MPPED1: variants seen among roughly 807,000 people sequenced by gnomAD.
The protein encoded by MPPED1 is metallophosphoesterase domain containing 1, also known as metallophosphoesterase domain-containing protein 1.
A neutral mutation model predicts 36.2 loss-of-function variants in MPPED1; 16 were observed. The ratio of observed to expected loss-of-function variants is 0.44; its 90% CI spans 0.30 to 0.67. The LOEUF (loss-of-function observed/expected upper bound fraction) is 0.67, where lower values mean the gene tolerates loss of function less well. Ranked by LOEUF, MPPED1 falls within the 30% of genes least tolerant of loss-of-function variation. The pLI is 0.10. For missense variants in MPPED1, 307 were observed against 453.4 expected, an observed-to-expected ratio of 0.68 and a Z score of 2.93; for synonymous variants, 199 against 191.3, an observed-to-expected ratio of 1.04 and a Z score of -0.33.
chr22:43,453,593 T>G (rs9680860), intron 3 of MPPED1, among the ~76,000 whole-genome samples: 10,007 of 152,202 alleles, frequency 0.066, 1,127 homozygotes, highest in African/African-American at 0.23. Flanking sequence ...TACTCTTCTT[T>G]CATCCCGAAA....
intron 4 of MPPED1, among the ~76,000 whole-genome samples, chr22:43,491,995 A>G (rs934020491): frequency 4.7e-5 from 6 of 128,688 alleles, no homozygotes; most frequent in Non-Finnish European, 8.3e-5. Context: ...CTGGTGATGG[A>G]GGTGGTGGTG....
chr22:43,455,355 C>A (rs1269588896), intron 3 of MPPED1, among the ~76,000 whole-genome samples: 1 of 152,110 alleles, frequency 6.6e-6, no homozygotes, highest in East Asian at 1.9e-4. Flanking sequence ...GGTGATCCAT[C>A]CATCTCGGCC....
intron 1 of MPPED1, among the ~76,000 whole-genome samples, chr22:43,415,811 G>T (rs1267504232): frequency 6.6e-6 from 1 of 152,186 alleles, no homozygotes; most frequent in Non-Finnish European, 1.5e-5. Context: ...AATGTGACTT[G>T]TCTGTTGCCC....
rs182175866 is a variant in MPPED1, at chr22:43,462,825, T to C, written c.407-11911T>C. On this transcript the variant is annotated intron_variant, in intron 3 of 6. Transcript: ENST00000443721. ...CCATCTTCAGATGGCCATCATCTCC[T>C]TTCACCTTTCTTCTGTCTTGTAACC... Among the ~76,000 whole-genome samples, 44 of 152,282 alleles carry C rather than the reference T, an allele frequency of 2.9e-4. No individual in the cohort carries two copies. The South Asian group carries it at 8.1e-3, about 28-fold the overall frequency.
intron 4 of MPPED1, among the ~76,000 whole-genome samples, chr22:43,491,650 TGG>T (rs1932094399): frequency 6.9e-6 from 1 of 145,434 alleles, no homozygotes; most frequent in Non-Finnish European, 1.5e-5. Flanking sequence ...GTGGTGGTTA[TGG>T]AGGTGGTGGT....
chr22:43,491,993 G>A (rs1834543530), intron 4 of MPPED1, among the ~76,000 whole-genome samples: 1 of 151,506 alleles, frequency 6.6e-6, no homozygotes, highest in Admixed American at 6.6e-5. Flanking sequence ...TGCTGGTGAT[G>A]GAGGTGGTGG....
intron 4 of MPPED1, among the ~76,000 whole-genome samples, chr22:43,481,498 T>G (rs1931748212): frequency 6.6e-6 from 1 of 152,108 alleles, no homozygotes; most frequent in African/African-American, 2.4e-5. Context: ...CAGTACAGAG[T>G]CTGGTTCCTC....
rs1263255803 is a variant in MPPED1, at chr22:43,463,811, C to CTTTCTTTCTTTTT, written c.407-10914_407-10913insTTTTTCTTTCTTT. 8.3e-5 allele frequency among the ~76,000 whole-genome samples: 2 copies of CTTTCTTTCTTTTT among 24,210 alleles called. 1 individual carries two copies. The highest frequency in any genetic ancestry group is 1.8e-3 in the East Asian group (2 of 1,140). The allele number at this position is 24,210 out of a possible 152,430, so 15.9% of individuals were successfully genotyped here. A position where few individuals can be genotyped will look rare whatever the true frequency, so the allele number is the denominator to read the frequency against. ...TGGTTGATTTTTCATTTTTTCTTTTCTTTCTTTCTTTCTTTCTTTCTTTCT... is the reference window on the plus strand; with the variant it reads ...TGGTTGATTTTTCATTTTTTCTTTTCTTTCTTTCTTTTTTTTCTTTCTTTCTTTCTTTCTTTCT... On this transcript the variant is annotated intron_variant, in intron 3 of 6. Coordinates refer to ENST00000443721, the MANE Select transcript of MPPED1 (RefSeq NM_001044370.2).
In MPPED1 at chr22:43,502,539, G is replaced by A; in HGVS notation, c.749-105G>A. 1 of 850,252 alleles carries A rather than the reference G, an allele frequency of 1.2e-6. No individual in the cohort carries two copies. Among genetic ancestry groups the A allele is most frequent in the Non-Finnish European group, 1.9e-6 (1 of 520,690 alleles). The allele number at this position is 850,252 out of a possible 1,614,324, so 52.7% of individuals were successfully genotyped here. ...GAGAGTGGTGCAAAGCCGGAGTCCG[G>A]AAGCCCCATGCCTTCTCCAGGCTGC... On this transcript the variant is annotated intron_variant, in intron 5 of 6. Transcript: ENST00000443721. This position sits in a 1 kb window ranked among gnomAD's most constrained non-coding sequence, Gnocchi z 5.5.
At chr22:43,450,258 G>A (rs530726341) in intron 3 of MPPED1, among the ~76,000 whole-genome samples, 1 of 152,360 alleles carries the variant, frequency 6.6e-6, no homozygotes, top group South Asian at 2.1e-4. Flanking sequence ...AGGGGCCAGG[G>A]GAAAGGAATG....
intron 3 of MPPED1, among the ~76,000 whole-genome samples, chr22:43,444,145 T>A (rs923811781): frequency 4.6e-5 from 7 of 152,126 alleles, no homozygotes; most frequent in African/African-American, 1.7e-4. Context: ...AATTCTAAGT[T>A]GTAGTCAAGT....
chr22:43,445,400 T>G (rs1245012299), intron 3 of MPPED1, among the ~76,000 whole-genome samples: 3 of 152,110 alleles, frequency 2.0e-5, no homozygotes, highest in African/African-American at 7.2e-5. Flanking sequence ...CTTTTTTGAT[T>G]TGTTTAGTAG....
intron 3 of MPPED1, among the ~76,000 whole-genome samples, chr22:43,445,322 C>T (rs576601853): frequency 2.6e-5 from 4 of 152,162 alleles, no homozygotes; most frequent in Admixed American, 6.5e-5. Flanking sequence ...CCCCCACCTC[C>T]GCCTTCTTTT....
intron 3 of MPPED1, among the ~76,000 whole-genome samples, chr22:43,456,645 G>T (rs1031726689): frequency 6.6e-6 from 1 of 152,102 alleles, no homozygotes; most frequent in Non-Finnish European, 1.5e-5. Flanking sequence ...CAGATGTGCA[G>T]CACCATGCCT....
At chr22:43,448,257 C>G (rs1024359252) in intron 3 of MPPED1, among the ~76,000 whole-genome samples, 1 of 152,182 alleles carries the variant, frequency 6.6e-6, no homozygotes, top group African/African-American at 2.4e-5. Context: ...AGTGGAGAAG[C>G]TGTATATCTG....
chr22:43,483,541 C>T (rs113305223), intron 4 of MPPED1, among the ~76,000 whole-genome samples: 31 of 152,404 alleles, frequency 2.0e-4, no homozygotes, highest in African/African-American at 7.0e-4. Context: ...CAGGCGGGCC[C>T]GGCACTCAGT....
chr22:43,501,548 A>G (rs1041894082), intron 5 of MPPED1, among the ~76,000 whole-genome samples: 1 of 151,966 alleles, frequency 6.6e-6, no homozygotes, highest in Non-Finnish European at 1.5e-5. Flanking sequence ...CCCTTGCATC[A>G]TCTCCGGACT....
intron 3 of MPPED1, among the ~76,000 whole-genome samples, chr22:43,461,415 T>A (rs1045230053): frequency 1.3e-5 from 2 of 152,204 alleles, no homozygotes; most frequent in South Asian, 4.1e-4. Flanking sequence ...ACTCAGCTAT[T>A]TTTCTTGCAT....
chr22:43,484,941 TC>T (rs1931863048), intron 4 of MPPED1, among the ~76,000 whole-genome samples: 2 of 152,210 alleles, frequency 1.3e-5, no homozygotes, highest in African/African-American at 4.8e-5. Flanking sequence ...ACGTGCAGCA[TC>T]AGTTACATTC....
Sources: allele counts gnomAD v4.1 joint callset (sites outside exome capture counted in the v4.1 genomes callset), GRCh38; gene constraint gnomAD v4.1.1; non-coding constraint Gnocchi (gnomAD v3.1); transcripts MANE v1.5; gene names NCBI Gene and HGNC (gene_info 2026-07-23, HGNC 2026-07-21).